PLEKHH1: variants seen among roughly 807,000 people sequenced by gnomAD.
PLEKHH1 encodes pleckstrin homology domain-containing family H member 1.
PLEKHH1 carries 104 observed loss-of-function variants against 160.0 expected under a neutral mutation model. That is an observed-to-expected ratio of 0.65 (90% confidence interval 0.55 to 0.76). The LOEUF (loss-of-function observed/expected upper bound fraction) is 0.76. PLEKHH1 is among the 30% of genes least tolerant of loss of function. The pLI is 0.00. For missense variants in PLEKHH1, 1,427 were observed against 1,724.1 expected (o/e 0.83, Z 3.05); for synonymous variants, 619 against 678.4 (o/e 0.91, Z 1.36).
rs754862015 is a variant in PLEKHH1 at position 67,572,122 on chromosome 14, C to T, written c.1586-13C>T. On this transcript the variant is annotated splice_polypyrimidine_tract_variant and intron_variant, in intron 10 of 28. Coordinates refer to ENST00000329153, the MANE Select transcript of PLEKHH1 (RefSeq NM_020715.3). ...TGTGGGACCCGGGCCTTGACTCCTC[C>T]TCCCTCGGCAAGGCGTCTCCATGTC... 1.2e-6 allele frequency: 2 copies of T among 1,602,116 alleles called. No homozygotes were observed. The highest frequency in any genetic ancestry group is 1.7e-6 in the Non-Finnish European group (2 of 1,174,780).
Position 67,587,292 on chromosome 14 carries a change from T to A in PLEKHH1, c.*57T>A. On this transcript the variant is annotated 3_prime_UTR_variant, in exon 29 of 29. Transcript: ENST00000329153. ...TAGTGCCTCTGGATTTAGAGATATA[T>A]ATCCTAGGGTATGATACTACTGTGA... 2 of 1,587,672 alleles carry A rather than the reference T, an allele frequency of 1.3e-6. No individual in the cohort carries two copies. Among genetic ancestry groups the A allele is most frequent in the Non-Finnish European group, 1.7e-6 (2 of 1,156,006 alleles).
At chr14:67,540,226 A>G (rs753194014) in intron 1 of PLEKHH1, among the ~76,000 whole-genome samples, 6 of 152,372 alleles carry the variant, frequency 3.9e-5, no homozygotes, top group South Asian at 2.1e-4. Context: ...CCTATTTCGT[A>G]TATCTCCTCC....
intron 2 of PLEKHH1, among the ~76,000 whole-genome samples, chr14:67,543,242 G>A (rs189092518): frequency 2.1e-3 from 322 of 152,344 alleles, no homozygotes; most frequent in Non-Finnish European, 3.2e-3. Flanking sequence ...TGGATGACCT[G>A]TTTTATTGAT....
chr14:67,557,470 C>G (rs2140397078), intron 4 of PLEKHH1, 52 bp downstream of exon 4: 1 of 1,563,388 alleles, frequency 6.4e-7, no homozygotes, highest in East Asian at 2.2e-5. Context: ...ATCTGTACTG[C>G]TGGCCCCCAG....
At chr14:67,570,150 T>C (rs549547910) in intron 9 of PLEKHH1, 138 bp downstream of exon 9, 109 of 714,024 alleles carry the variant, frequency 1.5e-4, no homozygotes, top group South Asian at 1.5e-3. Flanking sequence ...CCAGCACGTG[T>C]CATTTTGTTT....
chr14:67,549,461 G>A (rs2034309209), intron 2 of PLEKHH1, among the ~76,000 whole-genome samples: 1 of 152,030 alleles, frequency 6.6e-6, no homozygotes, highest in Non-Finnish European at 1.5e-5. Context: ...AGTAGCGACG[G>A]GGTTTCACCA....
chr14:67,535,460 A>T (rs1214242105), intron 1 of PLEKHH1, among the ~76,000 whole-genome samples: 1 of 142,576 alleles, frequency 7.0e-6, no homozygotes, highest in Non-Finnish European at 1.5e-5. Flanking sequence ...AGCTCACTAC[A>T]ACCTCCGCCT....
chr14:67,583,775 C>T lies in PLEKHH1; in HGVS notation c.3461C>T (p.Pro1154Leu). ...EYGDLEKPALPGPGGTSPAKA... is the reference protein window; with the variant it reads ...EYGDLEKPALLGPGGTSPAKA... ...GGGGACTTGGAGAAGCCTGCCCTGC[C>T]AGGCCCTGGAGGCACATCCCCTGCC... is the stretch of plus-strand genomic sequence containing the variant. Residue 1154 changes from proline (P) to leucine (L), a missense_variant, in exon 25 of 29, where the codon CCA becomes CTA. By Grantham distance (98) the Pro-to-Leu change is moderately conservative. Transcript: ENST00000329153. 2 of 1,612,372 alleles carry T rather than the reference C, an allele frequency of 1.2e-6. No individual in the cohort carries two copies. Among genetic ancestry groups the T allele is most frequent in the Non-Finnish European group, 1.7e-6 (2 of 1,179,144 alleles).
chr14:67,584,219 C>A, intron 26 of PLEKHH1, 95 bp downstream of exon 26: 1 of 1,228,444 alleles, frequency 8.1e-7, no homozygotes, highest in Non-Finnish European at 1.2e-6. Context: ...ACCTCCATAC[C>A]AGTAACCACC....
chr14:67,579,424 G>A, intron 21 of PLEKHH1, 113 bp downstream of exon 21: 1 of 874,806 alleles, frequency 1.1e-6, no homozygotes, highest in Non-Finnish European at 1.7e-6. Context: ...CCCAGAAGTA[G>A]ATATTATGAA....
rs1386257024 is a variant in PLEKHH1 at position 67,578,684 on chromosome 14, T to C, written c.2849+53T>C. On this transcript the variant is annotated intron_variant, in intron 20 of 28. Transcript: ENST00000329153. This position sits in a 1 kb window ranked among gnomAD's most constrained non-coding sequence, Gnocchi z 5.0. Reference sequence around the variant, plus strand: ...CACTTGAGCACTGCCAACTGCCGCATGAATAAGAGGGATGAGAGGAGTCTA... The same window carrying C: ...CACTTGAGCACTGCCAACTGCCGCACGAATAAGAGGGATGAGAGGAGTCTA... The C allele has an allele frequency of 1.8e-5, 20 of 1,139,612 alleles. No individual in the cohort carries two copies. Among genetic ancestry groups the C allele is most frequent in the Middle Eastern group, 1.9e-4 (1 of 5,226 alleles). The allele number at this position is 1,139,612 out of a possible 1,614,324, so 70.6% of individuals were successfully genotyped here. A position where few individuals can be genotyped will look rare whatever the true frequency, so the allele number is the denominator to read the frequency against.
In PLEKHH1 at chr14:67,562,238, G is replaced by A; in HGVS notation, c.607G>A (p.Asp203Asn). 6 of 1,612,672 alleles carry A rather than the reference G, an allele frequency of 3.7e-6. No homozygotes were observed. The highest frequency in any genetic ancestry group is 1.1e-5 in the South Asian group (1 of 90,808). ...SEPGIQPMGQ[D>N]SGSQAQGLKA... is the part of the protein sequence containing the mutation. The stretch of plus-strand genomic sequence containing the variant: ...GCCGGGAATCCAGCCTATGGGCCAG[G>A]ACAGTGGCTCCCAGGCCCAGGGTCT... Residue 203 changes from aspartate to asparagine, a missense_variant, in exon 7 of 29, where the codon GAC becomes AAC. This residue lies in a region of PLEKHH1 where 831 missense variants were observed against 929.2 expected (regional missense o/e 0.89). Coordinates refer to ENST00000329153, the MANE Select transcript of PLEKHH1 (RefSeq NM_020715.3).
intron 2 of PLEKHH1, among the ~76,000 whole-genome samples, chr14:67,547,446 G>A (rs2034225288): frequency 6.6e-6 from 1 of 152,236 alleles, no homozygotes; most frequent in Admixed American, 6.5e-5. Flanking sequence ...CGCAGGAAGA[G>A]ATGCCTTGGG....
At position 67,559,587 on chromosome 14, in the gene PLEKHH1, A is replaced by G. The variant is rs768214416; in HGVS notation, c.340-21A>G. On this transcript the variant is annotated intron_variant, in intron 4 of 28. Coordinates refer to ENST00000329153, the MANE Select transcript of PLEKHH1 (RefSeq NM_020715.3). ...TCCTGGTGATTGTTGGGATTAACGG[A>G]AGGCCCTCTCTTTCTTGCAGAAGCA... is the stretch of plus-strand genomic sequence containing the variant. The G allele has an allele frequency of 5.2e-6, 8 of 1,529,506 alleles. No individual in the cohort carries two copies. In the Admixed American group the frequency reaches 1.5e-4, roughly 29 times the overall value. 94.7% of individuals were successfully genotyped at this position (1,529,506 alleles called of 1,614,324 possible). A position where few individuals can be genotyped will look rare whatever the true frequency, so the allele number is the denominator to read the frequency against.
intron 27 of PLEKHH1, 70 bp downstream of exon 27, chr14:67,585,724 G>A (rs1202936300): frequency 4.0e-6 from 5 of 1,242,318 alleles, no homozygotes; most frequent in Admixed American, 2.1e-5. Flanking sequence ...CTCCTCTGTG[G>A]ACTCAAAAGC....
chr14:67,537,681 A>T (rs2033794917), intron 1 of PLEKHH1, among the ~76,000 whole-genome samples: 1 of 152,162 alleles, frequency 6.6e-6, no homozygotes, highest in Non-Finnish European at 1.5e-5. Context: ...AAAAGAAAAA[A>T]AAGTAATCTT....
At position 67,533,386 on chromosome 14, in the gene PLEKHH1, G is replaced by C. The variant is rs1173961884; in HGVS notation, c.-47G>C. Reference sequence around the variant, plus strand: ...CCCAGTGCGCGGCGGGGACGGCCGCGAGCTCGCTGGAGGTGAGCGACCCGC... The same window carrying C: ...CCCAGTGCGCGGCGGGGACGGCCGCCAGCTCGCTGGAGGTGAGCGACCCGC... On this transcript the variant is annotated 5_prime_UTR_variant, in exon 1 of 29. Coordinates refer to ENST00000329153, the MANE Select transcript of PLEKHH1 (RefSeq NM_020715.3). The C allele has an allele frequency of 6.6e-6, 1 of 151,514 alleles. No homozygotes were observed. Among genetic ancestry groups the C allele is most frequent in the Non-Finnish European group, 1.5e-5 (1 of 67,852 alleles). The allele number at this position is 151,514 out of a possible 1,614,324, so 9.4% of individuals were successfully genotyped here. A position where few individuals can be genotyped will look rare whatever the true frequency, so the allele number is the denominator to read the frequency against.
rs1169386111 is a variant in PLEKHH1, at chr14:67,555,903, G to A, written c.189+16G>A. The A allele has an allele frequency of 1.2e-6, 2 of 1,612,130 alleles. No individual in the cohort carries two copies. The highest frequency in any genetic ancestry group is 1.7e-5 in the Admixed American group (1 of 59,852). ...TGAGACCCAGGTAACCAGGGGAGGG[G>A]ATCGGCGGGAATATGCAGGGGAATG... On this transcript the variant is annotated intron_variant, in intron 3 of 28. Transcript: ENST00000329153.
chr14:67,557,922 T>G (rs2034659741), intron 4 of PLEKHH1, among the ~76,000 whole-genome samples: 4 of 152,222 alleles, frequency 2.6e-5, no homozygotes, highest in Admixed American at 2.6e-4. Flanking sequence ...TGCACAGAGC[T>G]GGATGGTCAG....
Sources: gnomAD v4.1 joint callset for allele counts (sites outside exome capture counted in the v4.1 genomes callset) on GRCh38, gnomAD v4.1.1 for gene constraint, gnomAD v4.1.1 regional missense constraint, Gnocchi (gnomAD v3.1) non-coding constraint, MANE v1.5 for transcripts, NCBI Gene and HGNC (gene_info 2026-07-23, HGNC 2026-07-21) for gene names.